Variants in ANO10 observed in about 807,000 individuals in gnomAD.
ANO10 encodes anoctamin 10.
ANO10 carries 77 observed loss-of-function variants against 74.7 expected under a neutral mutation model. The observed-to-expected ratio is 1.03, with a 90% CI of 0.86 to 1.25. The LOEUF is 1.25. ANO10 is among the 50% of genes most tolerant of loss of function. The pLI is 0.00. For missense variants in ANO10, 721 were observed against 778.1 expected (o/e 0.93, Z 0.87); for synonymous variants, 279 against 284.9 (o/e 0.98, Z 0.21).
rs146451606 is a variant in ANO10, at chr3:43,558,019, C to A, written c.1477-2550G>T. Among the ~76,000 whole-genome samples, 209 of 149,086 alleles carry A rather than the reference C, an allele frequency of 1.4e-3. 1 individual carries two copies. Among genetic ancestry groups the A allele is most frequent in the East Asian group, 0.012 (59 of 4,886 alleles). ...ACTCAGGAGGCTGAGGTAGAAGGATCGCTTGAGCCTGGGAGGTTGAGGTTG... is the reference window on the plus strand; with the variant it reads ...ACTCAGGAGGCTGAGGTAGAAGGATAGCTTGAGCCTGGGAGGTTGAGGTTG... On this transcript the variant is annotated intron_variant, in intron 9 of 12. Coordinates refer to ENST00000292246, the MANE Select transcript of ANO10 (RefSeq NM_018075.5).
At chr3:43,476,167 C>A (rs866369868) in intron 11 of ANO10, among the ~76,000 whole-genome samples, 9 of 151,768 alleles carry the variant, frequency 5.9e-5, no homozygotes, top group South Asian at 2.1e-4. Flanking sequence ...GTATTTTTTT[C>A]TGTTAGCTTA....
At chr3:43,603,199 T>C (rs2082412988) in intron 2 of ANO10, among the ~76,000 whole-genome samples, 1 of 152,192 alleles carries the variant, frequency 6.6e-6, no homozygotes, top group Non-Finnish European at 1.5e-5. Context: ...CTCTGCCAAC[T>C]GTCTCTCTCC....
At chr3:43,373,580 T>C (rs566100092) in intron 12 of ANO10, among the ~76,000 whole-genome samples, 13 of 152,312 alleles carry the variant, frequency 8.5e-5, no homozygotes, top group African/African-American at 3.1e-4. Flanking sequence ...AGAGCAAAAT[T>C]TCCCAAAACA....
chr3:43,560,039 C>T (rs181965016), intron 9 of ANO10, among the ~76,000 whole-genome samples: 32 of 152,268 alleles, frequency 2.1e-4, no homozygotes, highest in Middle Eastern at 3.4e-3. Context: ...GATCTGTATC[C>T]TATGGGGAGG....
chr3:43,553,097 A>G (rs1278994182), intron 10 of ANO10, among the ~76,000 whole-genome samples: 3 of 152,100 alleles, frequency 2.0e-5, no homozygotes, highest in Admixed American at 2.0e-4. Context: ...CCCAGCCAGG[A>G]TTCTATATTG....
At chr3:43,676,169 T>C (rs1326231690) in intron 1 of ANO10, among the ~76,000 whole-genome samples, 97 of 151,882 alleles carry the variant, frequency 6.4e-4, no homozygotes, top group Non-Finnish European at 3.1e-4. Flanking sequence ...TTGCAAGAGG[T>C]TAAATATAGG....
intron 11 of ANO10, among the ~76,000 whole-genome samples, chr3:43,543,952 T>A (rs905934229): frequency 6.6e-6 from 1 of 152,172 alleles, no homozygotes; most frequent in African/African-American, 2.4e-5. Flanking sequence ...GATAGGTACA[T>A]CTTGCCAAGT....
At chr3:43,419,291 G>A (rs1398295180) in intron 12 of ANO10, among the ~76,000 whole-genome samples, 1 of 152,200 alleles carries the variant, frequency 6.6e-6, no homozygotes, top group East Asian at 1.9e-4. Context: ...AAGATACAAA[G>A]TGGGAGAGGA....
chr3:43,576,755 C>T lies in ANO10; in HGVS notation c.1099G>A (p.Ala367Thr), dbSNP rs760973973. Residue 367 changes from alanine (A) to threonine (T), a missense_variant, in exon 6 of 13, where the codon GCC (alanine) becomes ACC (threonine). Ala to Thr is a moderately conservative substitution (Grantham distance 58). Coordinates refer to ENST00000292246, the MANE Select transcript of ANO10 (RefSeq NM_018075.5). ...CGATTCATGATCTCAATCACAATGG[C>T]ATAGATGATGCTGGGCACATACAAC... Reference protein sequence around the residue: ...VLLYVPSIIYAIVIEIMNRLY... With the variant: ...VLLYVPSIIYTIVIEIMNRLY... The T allele has an allele frequency of 6.2e-7, 1 of 1,614,188 alleles. No individual in the cohort carries two copies. The highest frequency in any genetic ancestry group is 1.1e-5 in the South Asian group (1 of 91,090).
chr3:43,618,503 C>G (rs367923678), intron 1 of ANO10, among the ~76,000 whole-genome samples: 1 of 152,178 alleles, frequency 6.6e-6, no homozygotes, highest in South Asian at 2.1e-4. Flanking sequence ...AGTAGAAATG[C>G]TCTAGAGGCT....
intron 4 of ANO10, among the ~76,000 whole-genome samples, chr3:43,592,516 G>A (rs4682692): frequency 0.98 from 149,490 of 152,374 alleles, 73,352 homozygotes; most frequent in East Asian, 1. Flanking sequence ...GCAAACTCCA[G>A]CAGACCTGCA....
At chr3:43,689,921 A>G (rs950318574) in intron 1 of ANO10, among the ~76,000 whole-genome samples, 1 of 152,248 alleles carries the variant, frequency 6.6e-6, no homozygotes, top group Non-Finnish European at 1.5e-5. Flanking sequence ...CACCAAACAT[A>G]AATGGATGAG....
At chr3:43,485,294 C>A in intron 11 of ANO10, 2 of 580,308 alleles carry the variant, frequency 3.4e-6, no homozygotes, top group Non-Finnish European at 6.2e-6. Flanking sequence ...CGTCGCAGAC[C>A]CGCTGCTGAC....
chr3:43,455,878 G>A (rs1479195569), intron 11 of ANO10, among the ~76,000 whole-genome samples: 2 of 151,822 alleles, frequency 1.3e-5, no homozygotes, highest in Admixed American at 6.6e-5. Flanking sequence ...GGTACATGAC[G>A]CAGTATTTAC....
At chr3:43,418,872 C>T (rs2092779909) in intron 12 of ANO10, among the ~76,000 whole-genome samples, 1 of 152,202 alleles carries the variant, frequency 6.6e-6, no homozygotes, top group Admixed American at 6.5e-5. Flanking sequence ...ACAGCCTGTT[C>T]GGTAAACAAA....
intron 1 of ANO10, among the ~76,000 whole-genome samples, chr3:43,638,285 T>C (rs981722221): frequency 3.7e-4 from 57 of 152,246 alleles, no homozygotes; most frequent in Non-Finnish European, 7.5e-4. Flanking sequence ...ATGCAATTTA[T>C]ATTAATCCTC....
intron 11 of ANO10, among the ~76,000 whole-genome samples, chr3:43,500,443 T>C (rs529917773): frequency 2.0e-4 from 31 of 152,268 alleles, no homozygotes; most frequent in Non-Finnish European, 3.5e-4. Context: ...ACTGAAACCA[T>C]GAGGAGTTGC....
intron 1 of ANO10, among the ~76,000 whole-genome samples, chr3:43,643,402 G>A (rs1273348130): frequency 6.6e-6 from 1 of 151,764 alleles, no homozygotes; most frequent in Non-Finnish European, 1.5e-5. Flanking sequence ...ATGTAATTTT[G>A]CTCAATTTTG....
At chr3:43,687,086 A>G (rs1294233703) in intron 1 of ANO10, among the ~76,000 whole-genome samples, 2 of 150,970 alleles carry the variant, frequency 1.3e-5, no homozygotes, top group East Asian at 3.9e-4. Context: ...TTCCCTTATC[A>G]TCCTGTGTCC....
Sources: gnomAD v4.1 joint callset for allele counts (sites outside exome capture counted in the v4.1 genomes callset) on GRCh38, gnomAD v4.1.1 for gene constraint, MANE v1.5 for transcripts, NCBI Gene and HGNC (gene_info 2026-07-23, HGNC 2026-07-21) for gene names.